Variants in RPS6KC1 observed in about 807,000 individuals in gnomAD.
RPS6KC1 encodes ribosomal protein S6 kinase C1.
Under a neutral mutation model 103.8 loss-of-function variants are expected in RPS6KC1, and 54 were observed. The observed-to-expected ratio is 0.52, with a 90% CI of 0.42 to 0.65. RPS6KC1 has a LOEUF of 0.65. Among genes scored for constraint, RPS6KC1 ranks in the 30% least tolerant of loss-of-function variants. The probability of loss-of-function intolerance (pLI) is 0.00; values close to 1 mark genes in which losing one functional copy is unlikely to be tolerated. For synonymous variants in RPS6KC1, 439 were observed against 438.7 expected (o/e 1.00, Z -0.01); for missense variants, 1,151 against 1,253.8 (o/e 0.92, Z 1.24).
the RPS6KC1 span, among the ~76,000 whole-genome samples, chr1:213,523,666 G>T: frequency 2.9e-3 from 440 of 152,158 alleles, 3 homozygotes; most frequent in African/African-American, 0.01. Context: ...TTTTATTATT[G>T]GTTTCAAAGT....
the RPS6KC1 span, among the ~76,000 whole-genome samples, chr1:213,384,062 G>A: frequency 8.5e-5 from 13 of 152,240 alleles, no homozygotes; most frequent in African/African-American, 3.1e-4. Context: ...GGATCATGAA[G>A]TCAGGAGATT....
At chr1:213,356,042 G>T in the RPS6KC1 span, among the ~76,000 whole-genome samples, 1 of 152,172 alleles carries the variant, frequency 6.6e-6, no homozygotes, top group South Asian at 2.1e-4. Flanking sequence ...TTCAATACAG[G>T]TCAGTCTGGT....
the RPS6KC1 span, among the ~76,000 whole-genome samples, chr1:213,367,768 ACT>A: frequency 6.6e-6 from 1 of 152,074 alleles, no homozygotes; most frequent in Non-Finnish European, 1.5e-5. Context: ...GCTCTAAATG[ACT>A]CTCTAAGATC....
the RPS6KC1 span, among the ~76,000 whole-genome samples, chr1:213,596,561 C>T: frequency 1.3e-5 from 2 of 152,134 alleles, no homozygotes; most frequent in African/African-American, 4.8e-5. Flanking sequence ...CAGGAAGGGC[C>T]CCCTTGGGTG....
chr1:213,217,761 A>G (rs1346883360), intron 8 of RPS6KC1, among the ~76,000 whole-genome samples: 1 of 152,234 alleles, frequency 6.6e-6, no homozygotes, highest in African/African-American at 2.4e-5. Flanking sequence ...AACAGAACCA[A>G]TGACAAAAAC....
chr1:213,328,725 C>T, the RPS6KC1 span, among the ~76,000 whole-genome samples: 2 of 151,798 alleles, frequency 1.3e-5, no homozygotes, highest in African/African-American at 4.8e-5. Flanking sequence ...CCTGTGTGAC[C>T]TGACACACTG....
the RPS6KC1 span, among the ~76,000 whole-genome samples, chr1:213,288,758 G>C: frequency 6.6e-6 from 1 of 152,310 alleles, no homozygotes; most frequent in East Asian, 1.9e-4. Flanking sequence ...TATCAGATTG[G>C]ATTGGATCTA....
At chr1:213,722,363 A>G in the RPS6KC1 span, among the ~76,000 whole-genome samples, 1 of 152,036 alleles carries the variant, frequency 6.6e-6, no homozygotes, top group Non-Finnish European at 1.5e-5. Context: ...TCTCTACCCT[A>G]CCTTCCCTCC....
At chr1:213,348,295 A>G in the RPS6KC1 span, among the ~76,000 whole-genome samples, 3 of 152,244 alleles carry the variant, frequency 2.0e-5, no homozygotes, top group Non-Finnish European at 4.4e-5. Flanking sequence ...AAAATGACAC[A>G]GAGGACTGTG....
intron 14 of RPS6KC1, among the ~76,000 whole-genome samples, chr1:213,269,152 C>T (rs570492975): frequency 2.5e-4 from 38 of 152,124 alleles, no homozygotes; most frequent in East Asian, 5.8e-4. Flanking sequence ...ACAGTAACCA[C>T]GAAAGAGCTG....
At chr1:213,626,735 G>A in the RPS6KC1 span, among the ~76,000 whole-genome samples, 2 of 152,098 alleles carry the variant, frequency 1.3e-5, no homozygotes, top group African/African-American at 4.8e-5. Flanking sequence ...TCAGATAGTT[G>A]TAGATATGTG....
At chr1:213,500,918 T>C in the RPS6KC1 span, among the ~76,000 whole-genome samples, 1 of 152,016 alleles carries the variant, frequency 6.6e-6, no homozygotes, top group African/African-American at 2.4e-5. Flanking sequence ...ACAGAAAAAG[T>C]CCTATCAACA....
chr1:213,401,921 G>C, the RPS6KC1 span, among the ~76,000 whole-genome samples: 2 of 151,886 alleles, frequency 1.3e-5, no homozygotes, highest in South Asian at 4.2e-4. Context: ...CGAGTAGCTG[G>C]GATTACAGGT....
intron 6 of RPS6KC1, among the ~76,000 whole-genome samples, chr1:213,159,223 A>G (rs1176115647): frequency 6.6e-6 from 1 of 152,168 alleles, no homozygotes; most frequent in Non-Finnish European, 1.5e-5. Context: ...GAAGGAAGAA[A>G]GTCTGGACGA....
chr1:213,085,564 C>A (rs1017522538), intron 3 of RPS6KC1, among the ~76,000 whole-genome samples: 10 of 152,074 alleles, frequency 6.6e-5, no homozygotes, highest in Admixed American at 5.2e-4. Flanking sequence ...ATTGATGATT[C>A]TTGCCTGACT....
chr1:213,221,500 C>T (rs2093831260), intron 8 of RPS6KC1, among the ~76,000 whole-genome samples: 2 of 152,150 alleles, frequency 1.3e-5, no homozygotes, highest in Non-Finnish European at 2.9e-5. Flanking sequence ...AACCTTCAGG[C>T]TGCCACCAGC....
chr1:213,813,809 G>A, the RPS6KC1 span, among the ~76,000 whole-genome samples: 60 of 152,276 alleles, frequency 3.9e-4, no homozygotes, highest in East Asian at 6.6e-3. Flanking sequence ...CAGCAAGCTC[G>A]TCTCTGGGAG....
At chr1:213,268,565 ATATT>A (rs1298368187) in intron 14 of RPS6KC1, among the ~76,000 whole-genome samples, 3 of 147,472 alleles carry the variant, frequency 2.0e-5, no homozygotes, top group Non-Finnish European at 4.5e-5. Flanking sequence ...ATTTATTTAT[ATATT>A]TATATATTGT....
At chr1:213,525,904 A>G in the RPS6KC1 span, among the ~76,000 whole-genome samples, 1 of 152,170 alleles carries the variant, frequency 6.6e-6, no homozygotes, top group Non-Finnish European at 1.5e-5. Flanking sequence ...AGAGGACAGA[A>G]AGTGGAAACA....
Sources: gnomAD v4.1 joint callset for allele counts (sites outside exome capture counted in the v4.1 genomes callset) on GRCh38, gnomAD v4.1.1 for gene constraint, MANE v1.5 for transcripts, NCBI Gene and HGNC (gene_info 2026-07-23, HGNC 2026-07-21) for gene names.